ACAP1: variants seen among roughly 807,000 people sequenced by gnomAD.
ACAP1 encodes ArfGAP with coiled-coil, ankyrin repeat and PH domains 1.
A neutral mutation model predicts 98.8 loss-of-function variants in ACAP1; 45 were observed. That is an observed-to-expected ratio of 0.46 (90% CI 0.36 to 0.58). The LOEUF (loss-of-function observed/expected upper bound fraction) is 0.58, where lower values mean the gene tolerates loss of function less well. Ranked by LOEUF, ACAP1 falls within the 20% of genes least tolerant of loss-of-function variation. The pLI is 0.00. For synonymous variants in ACAP1, 362 were observed against 375.3 expected (o/e 0.96, Z 0.41); for missense variants, 735 against 971.4 (o/e 0.76, Z 3.24).
Position 7,344,092 on chromosome 17 carries a change from T to A in ACAP1, c.713T>A (p.Met238Lys), listed in dbSNP as rs765418644. The change falls in exon 9 of 22, where the codon ATG becomes AAG. Residue 238 changes from methionine to lysine, a missense_variant. By Grantham distance (95) the Met-to-Lys change is moderately conservative. Coordinates refer to ENST00000158762, the MANE Select transcript of ACAP1 (RefSeq NM_014716.4). The surrounding 1 kb of genome is among the most constrained non-coding windows in gnomAD (Gnocchi z 4.9). ...AATTCAGCACGAGAGAAGAGGGACATGGAGCAGAGACACGTGCTGCTGAAA... is the reference window on the plus strand; with the variant it reads ...AATTCAGCACGAGAGAAGAGGGACAAGGAGCAGAGACACGTGCTGCTGAAA... ...VLNSAREKRD[M>K]EQRHVLLKQK... The A allele has an allele frequency of 1.3e-6, 2 of 1,588,650 alleles. No homozygotes were observed. The highest frequency in any genetic ancestry group is 8.6e-7 in the Non-Finnish European group (1 of 1,166,960).
rs1337052428 is a variant in ACAP1, at chr17:7,351,469, T to C, written c.*74T>C. On this transcript the variant is annotated 3_prime_UTR_variant, in exon 22 of 22. Coordinates refer to ENST00000158762, the MANE Select transcript of ACAP1 (RefSeq NM_014716.4). ...CCTCTGCCATTAAAGCCTCCGTGCT[T>C]CGCTCTTCCCTTCTGGTTCACTTCT... is the stretch of plus-strand genomic sequence containing the variant. The C allele has an allele frequency of 1.7e-6, 2 of 1,156,124 alleles. No individual in the cohort carries two copies. Among genetic ancestry groups the C allele is most frequent in the East Asian group, 5.0e-5 (2 of 39,634 alleles). The allele number at this position is 1,156,124 out of a possible 1,614,324, so 71.6% of individuals were successfully genotyped here.
chr17:7,344,042 T>G lies in ACAP1; in HGVS notation c.670-7T>G. ...TTGGACATCTGAGATGCCCTTCCTG[T>G]GCCCAGTTGCACCAGCTGGTCTTGA... On this transcript the variant is annotated splice_region_variant and splice_polypyrimidine_tract_variant and intron_variant, in intron 8 of 21. Transcript: ENST00000158762. This position sits in a 1 kb window ranked among gnomAD's most constrained non-coding sequence, Gnocchi z 4.9. 6.3e-7 allele frequency: 1 copy of G among 1,589,520 alleles called. No individual in the cohort carries two copies. The highest frequency in any genetic ancestry group is 8.6e-7 in the Non-Finnish European group (1 of 1,167,342).
rs35933585 is a variant in ACAP1, at chr17:7,342,038, C to A, written c.202C>A (p.Arg68Ser). 6.2e-7 allele frequency: 1 copy of A among 1,613,950 alleles called. No individual in the cohort carries two copies. Among genetic ancestry groups the A allele is most frequent in the African/African-American group, 1.3e-5 (1 of 74,872 alleles). ...CGTTGTCGGCATTTGTGACCTGGCCCGCCTGGGTCCACCAGAGCCCATGAT... is the reference window on the plus strand; with the variant it reads ...CGTTGTCGGCATTTGTGACCTGGCCAGCCTGGGTCCACCAGAGCCCATGAT... ...AFVVGICDLA[R>S]LGPPEPMMAE... The change falls in exon 3 of 22, where the codon CGC becomes AGC. Residue 68 changes from arginine to serine, a missense_variant. Physicochemically the swap from Arg to Ser is moderately radical, Grantham distance 110. Around this residue, in one of 5 missense-constraint regions of ACAP1, gnomAD observed 430 missense variants for 531.8 expected, o/e 0.81. Transcript: ENST00000158762.
Position 7,350,314 on chromosome 17 carries a change from G to A in ACAP1, c.2072+77G>A. On this transcript the variant is annotated intron_variant, in intron 20 of 21. Transcript: ENST00000158762. This position sits in a 1 kb window ranked among gnomAD's most constrained non-coding sequence, Gnocchi z 4.6. ...CCCACCCACGTTCGGGCGGGCGGGC[G>A]GGGCTGACGCCGAAACAGAAGCCTG... is the stretch of plus-strand genomic sequence containing the variant. 4 of 1,165,580 alleles carry A rather than the reference G, an allele frequency of 3.4e-6. No individual in the cohort carries two copies. The highest frequency in any genetic ancestry group is 4.9e-6 in the Non-Finnish European group (4 of 813,584). 72.2% of individuals were successfully genotyped at this position (1,165,580 alleles called of 1,614,324 possible).
At position 7,350,543 on chromosome 17, in the gene ACAP1, G is replaced by A; in HGVS notation, c.2072+306G>A. The A allele has an allele frequency of 2.1e-6, 1 of 483,290 alleles. No homozygotes were observed. The highest frequency in any genetic ancestry group is 2.5e-5 in the South Asian group (1 of 39,948). 29.9% of individuals were successfully genotyped at this position (483,290 alleles called of 1,614,324 possible). ...TTTAGCACTAGACGTGACCCCGGGG[G>A]TGGGGGCAGATGAACGGAACGCAAC... is the stretch of plus-strand genomic sequence containing the variant. On this transcript the variant is annotated intron_variant, in intron 20 of 21. Transcript: ENST00000158762. The surrounding 1 kb of genome is among the most constrained non-coding windows in gnomAD (Gnocchi z 4.6).
At chr17:7,348,659 G>C in intron 17 of ACAP1, 184 bp downstream of exon 17, 1 of 707,846 alleles carries the variant, frequency 1.4e-6, no homozygotes. Flanking sequence ...GTGGGGCTGG[G>C]CGTGGGCAGG....
In ACAP1 at chr17:7,336,582, T is replaced by C. The variant is rs528502984; in HGVS notation, c.-153T>C. The C allele has an allele frequency of 2.5e-4, 181 of 720,704 alleles. No homozygotes were observed. The highest frequency in any genetic ancestry group is 1.8e-3 in the African/African-American group (104 of 57,384). The allele number at this position is 720,704 out of a possible 1,614,324, so 44.6% of individuals were successfully genotyped here. The stretch of plus-strand genomic sequence containing the variant: ...CTCCTCCTAGGACACCCCTTTCCCC[T>C]TGGGGAAAGAATTGTGCCCCCAGGC... On this transcript the variant is annotated 5_prime_UTR_variant, in exon 1 of 22. Coordinates refer to ENST00000158762, the MANE Select transcript of ACAP1 (RefSeq NM_014716.4).
intron 10 of ACAP1, 48 bp from the exon 11 acceptor site, chr17:7,346,196 C>A: frequency 6.3e-7 from 1 of 1,581,808 alleles, no homozygotes; most frequent in Non-Finnish European, 8.7e-7. Context: ...CTCTTCCGTC[C>A]CTCATCCTAA....
intron 12 of ACAP1, 156 bp downstream of exon 12, chr17:7,346,647 G>C: frequency 2.6e-6 from 3 of 1,138,484 alleles, no homozygotes; most frequent in Non-Finnish European, 3.8e-6. Flanking sequence ...AGAGGGTACA[G>C]GGTGATGGGG....
chr17:7,346,307 T>TG lies in ACAP1; in HGVS notation c.906+15dup. 1 of 1,614,212 alleles carries TG rather than the reference T, an allele frequency of 6.2e-7. No individual in the cohort carries two copies. The highest frequency in any genetic ancestry group is 1.1e-5 in the South Asian group (1 of 91,090). On this transcript the variant is annotated intron_variant, in intron 11 of 21. Coordinates refer to ENST00000158762, the MANE Select transcript of ACAP1 (RefSeq NM_014716.4). ...AGAAGAAGTACAAGGTGAGTGGACC[T>TG]GGGTCCTGGATGCCTGGGCCCCAGG...
In ACAP1 at chr17:7,343,902, G is replaced by C; in HGVS notation, c.615G>C (p.Gln205His). The C allele has an allele frequency of 6.2e-7, 1 of 1,611,972 alleles. No homozygotes were observed. The highest frequency in any genetic ancestry group is 8.5e-7 in the Non-Finnish European group (1 of 1,178,950). The change falls in exon 8 of 22, where the codon CAG becomes CAC. Residue 205 changes from glutamine to histidine, a missense_variant. Gln to His is a conservative substitution (Grantham distance 24, BLOSUM62 0). Around this residue, in one of 5 missense-constraint regions of ACAP1, gnomAD observed 430 missense variants for 531.8 expected, o/e 0.81. Transcript: ENST00000158762. This position sits in a 1 kb window ranked among gnomAD's most constrained non-coding sequence, Gnocchi z 4.9. The stretch of plus-strand genomic sequence containing the variant: ...AGGCCCAGGCTACCCATTTCCAGCA[G>C]GGCCATGAGGAGCTGAGCCGGCTGT... ...LVEAQATHFQ[Q>H]GHEELSRLSQ...
chr17:7,337,299 C>T lies in ACAP1; in HGVS notation c.54-13C>T. ...GGACCCAAGCTCTCTTCCCATGACC[C>T]CCTCTTTCCCAGAGCCTCTATTGAG... On this transcript the variant is annotated splice_polypyrimidine_tract_variant and intron_variant, in intron 1 of 21. Coordinates refer to ENST00000158762, the MANE Select transcript of ACAP1 (RefSeq NM_014716.4). The T allele has an allele frequency of 2.5e-6, 4 of 1,613,872 alleles. No homozygotes were observed. The highest frequency in any genetic ancestry group is 3.4e-6 in the Non-Finnish European group (4 of 1,179,800).
chr17:7,347,825 T>A, intron 14 of ACAP1, 97 bp from the exon 15 acceptor site: 1 of 1,056,534 alleles, frequency 9.5e-7, no homozygotes, highest in Non-Finnish European at 1.5e-6. Context: ...CGGGCCCCCA[T>A]GCCAGCCTTG....
chr17:7,341,513 A>G (rs1043528255), intron 2 of ACAP1, among the ~76,000 whole-genome samples: 3 of 152,136 alleles, frequency 2.0e-5, no homozygotes, highest in African/African-American at 4.8e-5. Flanking sequence ...AAGGGTTGGG[A>G]TTACAGGTGT....
At position 7,349,000 on chromosome 17, in the gene ACAP1, C is replaced by T; in HGVS notation, c.1684C>T (p.Pro562Ser). The T allele has an allele frequency of 1.2e-6, 2 of 1,612,938 alleles. No individual in the cohort carries two copies. Among genetic ancestry groups the T allele is most frequent in the Non-Finnish European group, 1.7e-6 (2 of 1,179,834 alleles). ...PGSLRSKPEP[P>S]SEDLGSLHPG... is the part of the protein sequence containing the mutation. ...GAACCAAATCCCCCGAACAGAGCCC[C>T]CCTCTGAGGACCTGGGAAGCCTGCA... Residue 562 changes from proline to serine, a missense_variant, in exon 18 of 22, where the codon CCC (proline) becomes TCC (serine). Coordinates refer to ENST00000158762, the MANE Select transcript of ACAP1 (RefSeq NM_014716.4).
rs2073328605 is a variant in ACAP1 at position 7,344,533 on chromosome 17, C to T, written c.745-6C>T. On this transcript the variant is annotated splice_region_variant and splice_polypyrimidine_tract_variant and intron_variant, in intron 9 of 21. Transcript: ENST00000158762. The surrounding 1 kb of genome is among the most constrained non-coding windows in gnomAD (Gnocchi z 4.9). Reference sequence around the variant, plus strand: ...CAGTTGCCCTTTGATCCTCTTGTGCCTCCAGGAGCTGGGTGGGGAGGAGCC... The same window carrying T: ...CAGTTGCCCTTTGATCCTCTTGTGCTTCCAGGAGCTGGGTGGGGAGGAGCC... 1.3e-6 allele frequency: 2 copies of T among 1,549,694 alleles called. No homozygotes were observed. Among genetic ancestry groups the T allele is most frequent in the African/African-American group, 2.7e-5 (2 of 72,974 alleles).
chr17:7,342,536 C>T, intron 5 of ACAP1, 62 bp downstream of exon 5: 5 of 1,561,084 alleles, frequency 3.2e-6, no homozygotes, highest in Non-Finnish European at 4.4e-6. Flanking sequence ...AAGGCCAAGG[C>T]GGGAGGATTG....
Position 7,351,443 on chromosome 17 carries a change from C to T in ACAP1, c.*48C>T. The T allele has an allele frequency of 7.1e-7, 1 of 1,410,048 alleles. No individual in the cohort carries two copies. The allele number at this position is 1,410,048 out of a possible 1,614,324, so 87.3% of individuals were successfully genotyped here. A position where few individuals can be genotyped will look rare whatever the true frequency, so the allele number is the denominator to read the frequency against. On this transcript the variant is annotated 3_prime_UTR_variant, in exon 22 of 22. Transcript: ENST00000158762. Reference sequence around the variant, plus strand: ...CCTGCCTCCCTTCCCCGCCACCGGGCCCTCTGCCATTAAAGCCTCCGTGCT... The same window carrying T: ...CCTGCCTCCCTTCCCCGCCACCGGGTCCTCTGCCATTAAAGCCTCCGTGCT...
In ACAP1 at chr17:7,346,479, T is replaced by C; in HGVS notation, c.995T>C (p.Val332Ala). The change falls in exon 12 of 22, where the codon GTG becomes GCG. Residue 332 changes from valine (V) to alanine (A), a missense_variant. Transcript: ENST00000158762. The stretch of plus-strand genomic sequence containing the variant: ...GAAAGGCGGTTCTGCTTTGAGGTGG[T>C]GTCCACCAGCAAGTGAGTGCAATCC... Reference protein sequence around the residue: ...DSERRFCFEVVSTSKSCLLQA... With the variant: ...DSERRFCFEVASTSKSCLLQA... The C allele has an allele frequency of 6.2e-7, 1 of 1,608,168 alleles. No homozygotes were observed. The highest frequency in any genetic ancestry group is 8.5e-7 in the Non-Finnish European group (1 of 1,177,308).
Sources: gnomAD v4.1 joint callset for allele counts (sites outside exome capture counted in the v4.1 genomes callset) on GRCh38, gnomAD v4.1.1 for gene constraint, gnomAD v4.1.1 regional missense constraint, Gnocchi (gnomAD v3.1) non-coding constraint, MANE v1.5 for transcripts, NCBI Gene and HGNC (gene_info 2026-07-23, HGNC 2026-07-21) for gene names.